The following ARHGAP31 variants were observed in gnomAD, a reference collection of about 807,000 sequenced individuals.
ARHGAP31 encodes the protein rho GTPase-activating protein 31.
In ARHGAP31, 34 loss-of-function variants were observed where a neutral mutation model predicts 113.9. The observed-to-expected ratio is 0.30, with a 90% confidence interval of 0.23 to 0.40. ARHGAP31 has a LOEUF of 0.40. Among genes scored for constraint, ARHGAP31 ranks in the 10% least tolerant of loss-of-function variants. The pLI, the probability that ARHGAP31 is intolerant of heterozygous loss-of-function variation, is 1.00. For missense variants in ARHGAP31, 1,548 were observed against 1,767.1 expected (o/e 0.88, Z 2.22); for synonymous variants, 650 against 684.8 (o/e 0.95, Z 0.79).
At chr3:119,376,381 C>T (rs763293453) in intron 3 of ARHGAP31, among the ~76,000 whole-genome samples, 6 of 152,086 alleles carry the variant, frequency 3.9e-5, no homozygotes, top group Non-Finnish European at 7.4e-5. Flanking sequence ...CCCAGCTACT[C>T]GTGAGGCTAA....
chr3:119,355,818 T>C lies in ARHGAP31; in HGVS notation c.101-9498T>C, dbSNP rs140858419. Reference sequence around the variant, plus strand: ...TGTCCCTACAAAGGACATGAACTCATCCTTTTTTATGGCTGCATAGTATTC... The same window carrying C: ...TGTCCCTACAAAGGACATGAACTCACCCTTTTTTATGGCTGCATAGTATTC... On this transcript the variant is annotated intron_variant, in intron 1 of 11. Coordinates refer to ENST00000264245, the MANE Select transcript of ARHGAP31 (RefSeq NM_020754.4). Among the ~76,000 whole-genome samples, 1,352 of 152,332 alleles carry C rather than the reference T, an allele frequency of 8.9e-3. 24 individuals are homozygous for C. Among genetic ancestry groups the C allele is most frequent in the African/African-American group, 0.031 (1,300 of 41,562 alleles).
chr3:119,307,367 A>G (rs988236585), intron 1 of ARHGAP31, among the ~76,000 whole-genome samples: 14 of 152,202 alleles, frequency 9.2e-5, no homozygotes, highest in Admixed American at 9.2e-4. Context: ...TTCCTTGAGG[A>G]TTGGAAATCT....
chr3:119,362,493 C>A (rs970000092), intron 1 of ARHGAP31, among the ~76,000 whole-genome samples: 1 of 152,146 alleles, frequency 6.6e-6, no homozygotes, highest in South Asian at 2.1e-4. Context: ...TGAGGCTGGG[C>A]GAGGTGGCTC....
chr3:119,339,007 AT>A (rs780453546), intron 1 of ARHGAP31, among the ~76,000 whole-genome samples: 1 of 152,254 alleles, frequency 6.6e-6, no homozygotes, highest in Non-Finnish European at 1.5e-5. Context: ...GTTCAGAGTC[AT>A]GAATTACTTG....
intron 11 of ARHGAP31, among the ~76,000 whole-genome samples, chr3:119,411,547 T>A (rs556140082): frequency 2.3e-4 from 35 of 151,628 alleles, no homozygotes; most frequent in Middle Eastern, 3.4e-3. Context: ...TGGAAGGGAG[T>A]TTAGATGTTC....
chr3:119,355,971 C>T (rs745467862), intron 1 of ARHGAP31, among the ~76,000 whole-genome samples: 1 of 152,264 alleles, frequency 6.6e-6, no homozygotes, highest in African/African-American at 2.4e-5. Flanking sequence ...ATGAATAAGA[C>T]ACGGGACTGT....
Position 119,294,533 on chromosome 3 carries a change from T to G in ARHGAP31, c.-372T>G, listed in dbSNP as rs1364774559. 2 of 459,108 alleles carry G rather than the reference T, an allele frequency of 4.4e-6. No individual in the cohort carries two copies. The highest frequency in any genetic ancestry group is 7.5e-6 in the Non-Finnish European group (2 of 266,940). 28.4% of individuals were successfully genotyped at this position (459,108 alleles called of 1,614,324 possible). On this transcript the variant is annotated 5_prime_UTR_variant, in exon 1 of 12. Transcript: ENST00000264245. ...CGCGTCCGCGTCGTCTCCGGGGCACTTAGTAAGGGGTGGGGAGAGCTTGCC... is the reference window on the plus strand; with the variant it reads ...CGCGTCCGCGTCGTCTCCGGGGCACGTAGTAAGGGGTGGGGAGAGCTTGCC...
At chr3:119,331,309 G>A (rs190839803) in intron 1 of ARHGAP31, among the ~76,000 whole-genome samples, 11 of 152,232 alleles carry the variant, frequency 7.2e-5, no homozygotes, top group Admixed American at 2.0e-4. Context: ...AAAAAAAGAC[G>A]ATCAAAATCG....
chr3:119,303,180 G>C (rs1321296020), intron 1 of ARHGAP31, among the ~76,000 whole-genome samples: 1 of 152,256 alleles, frequency 6.6e-6, no homozygotes, highest in East Asian at 1.9e-4. Context: ...TGAGCCCCAT[G>C]TGAGACATGC....
intron 3 of ARHGAP31, among the ~76,000 whole-genome samples, chr3:119,370,299 GA>G (rs1314322991): frequency 1.3e-5 from 2 of 152,152 alleles, no homozygotes; most frequent in Non-Finnish European, 2.9e-5. Context: ...TATGAAAAAT[GA>G]AGGAAAGTAG....
intron 1 of ARHGAP31, among the ~76,000 whole-genome samples, chr3:119,331,516 A>G (rs751499288): frequency 3.5e-4 from 53 of 152,206 alleles, no homozygotes; most frequent in Non-Finnish European, 7.5e-4. Context: ...AAAAGGAGTG[A>G]GGGAAGAAGG....
chr3:119,409,857 A>G lies in ARHGAP31; in HGVS notation c.1926+81A>G. On this transcript the variant is annotated intron_variant, in intron 11 of 11. Coordinates refer to ENST00000264245, the MANE Select transcript of ARHGAP31 (RefSeq NM_020754.4). ...TCTTGGTACAATTTAAAGTAAATTGAAAAAAAATTTTTTTTTGAAAAATCA... is the reference window on the plus strand; with the variant it reads ...TCTTGGTACAATTTAAAGTAAATTGGAAAAAAATTTTTTTTTGAAAAATCA... 4.2e-6 allele frequency: 6 copies of G among 1,416,804 alleles called. 1 individual carries two copies. Among genetic ancestry groups the G allele is most frequent in the South Asian group, 4.2e-5 (3 of 71,632 alleles). The allele number at this position is 1,416,804 out of a possible 1,614,324, so 87.8% of individuals were successfully genotyped here. A position where few individuals can be genotyped will look rare whatever the true frequency, so the allele number is the denominator to read the frequency against.
chr3:119,295,065 ACT>A lies in ARHGAP31; in HGVS notation c.100+67_100+68del, dbSNP rs1481590424. ...TTCTTTTTGTTTGAGGGAGAGACGG[ACT>A]CTCTCGAGTTGTGATAGAGTCGGTT... On this transcript the variant is annotated intron_variant, in intron 1 of 11. Coordinates refer to ENST00000264245, the MANE Select transcript of ARHGAP31 (RefSeq NM_020754.4). The A allele has an allele frequency of 2.7e-6, 4 of 1,478,760 alleles. 1 individual carries two copies. The highest frequency in any genetic ancestry group is 4.6e-5 in the East Asian group (2 of 43,832). 91.6% of individuals were successfully genotyped at this position (1,478,760 alleles called of 1,614,324 possible).
At chr3:119,405,112 A>T (rs1410867569) in intron 10 of ARHGAP31, among the ~76,000 whole-genome samples, 1 of 152,226 alleles carries the variant, frequency 6.6e-6, no homozygotes, top group Non-Finnish European at 1.5e-5. Flanking sequence ...AAGAACTTAC[A>T]ATAGAATTCT....
At chr3:119,358,397 G>A (rs2080177146) in intron 1 of ARHGAP31, among the ~76,000 whole-genome samples, 1 of 152,140 alleles carries the variant, frequency 6.6e-6, no homozygotes, top group Non-Finnish European at 1.5e-5. Context: ...ATTGCTGGTG[G>A]GAATGTAAAA....
chr3:119,375,049 G>A (rs908276045), intron 3 of ARHGAP31, among the ~76,000 whole-genome samples: 11 of 152,074 alleles, frequency 7.2e-5, no homozygotes, highest in African/African-American at 2.7e-4. Context: ...CTATAAGTAG[G>A]TTAGTAGTGG....
At chr3:119,393,966 T>A (rs1294698354) in intron 8 of ARHGAP31, among the ~76,000 whole-genome samples, 1 of 152,322 alleles carries the variant, frequency 6.6e-6, no homozygotes, top group Non-Finnish European at 1.5e-5. Context: ...CTACATTTGG[T>A]TGTCATGTTT....
At chr3:119,320,949 G>A (rs546765010) in intron 1 of ARHGAP31, among the ~76,000 whole-genome samples, 28 of 151,972 alleles carry the variant, frequency 1.8e-4, no homozygotes, top group Admixed American at 5.2e-4. Flanking sequence ...TTTGAAAAAC[G>A]GGAGTCTCCT....
chr3:119,363,803 G>T (rs899205665), intron 1 of ARHGAP31, among the ~76,000 whole-genome samples: 3 of 152,198 alleles, frequency 2.0e-5, no homozygotes, highest in African/African-American at 7.2e-5. Context: ...TTGAGTATGT[G>T]TTGGAAGTGT....
Sources: allele counts gnomAD v4.1 joint callset (sites outside exome capture counted in the v4.1 genomes callset), GRCh38; gene constraint gnomAD v4.1.1; transcripts MANE v1.5; gene names NCBI Gene and HGNC (gene_info 2026-07-23, HGNC 2026-07-21).